NEGR1: variants seen among roughly 807,000 people sequenced by gnomAD.
NEGR1 encodes the protein IgLON family member 4.
Under a neutral mutation model 40.9 loss-of-function variants are expected in NEGR1, and 10 were observed. The observed-to-expected ratio is 0.24, with a 90% CI of 0.15 to 0.42. The LOEUF (loss-of-function observed/expected upper bound fraction) is 0.42. NEGR1 is among the 10% of genes least tolerant of loss of function. The pLI is 1.00. For missense variants in NEGR1, 352 were observed against 438.9 expected, an observed-to-expected ratio of 0.80 and a Z score of 1.77; for synonymous variants, 185 against 166.8, an observed-to-expected ratio of 1.11 and a Z score of -0.84.
intron 1 of NEGR1, among the ~76,000 whole-genome samples, chr1:72,135,699 A>G (rs1650437534): frequency 6.6e-6 from 1 of 152,206 alleles, no homozygotes; most frequent in South Asian, 2.1e-4. Context: ...AAAGGACCCC[A>G]ATATTTGCAA....
chr1:71,992,442 A>C (rs1016455975), intron 1 of NEGR1, among the ~76,000 whole-genome samples: 2 of 152,160 alleles, frequency 1.3e-5, no homozygotes, highest in Non-Finnish European at 2.9e-5. Context: ...ATAGAATGTA[A>C]GCCACACATG....
chr1:72,012,959 C>T (rs1312501729), intron 1 of NEGR1, among the ~76,000 whole-genome samples: 6 of 147,516 alleles, frequency 4.1e-5, no homozygotes, highest in Non-Finnish European at 9.0e-5. Context: ...TGCTGAAAAA[C>T]CAACTGGAAA....
At chr1:72,039,147 C>G (rs1056850612) in intron 1 of NEGR1, among the ~76,000 whole-genome samples, 1 of 151,830 alleles carries the variant, frequency 6.6e-6, no homozygotes, top group Non-Finnish European at 1.5e-5. Context: ...TTCAGAGAAA[C>G]AGCAGATTAT....
intron 4 of NEGR1, among the ~76,000 whole-genome samples, chr1:71,663,102 G>A (rs1280642808): frequency 2.0e-5 from 3 of 151,794 alleles, no homozygotes; most frequent in East Asian, 1.9e-4. Context: ...GACTACAGGC[G>A]CCTGCCACCA....
chr1:71,641,244 A>C (rs1651339085), intron 4 of NEGR1, among the ~76,000 whole-genome samples: 1 of 152,080 alleles, frequency 6.6e-6, no homozygotes, highest in South Asian at 2.1e-4. Flanking sequence ...TATTTGATTG[A>C]AAACCACTGT....
At chr1:71,985,376 T>G (rs1646385769) in intron 1 of NEGR1, among the ~76,000 whole-genome samples, 1 of 152,214 alleles carries the variant, frequency 6.6e-6, no homozygotes, top group Non-Finnish European at 1.5e-5. Flanking sequence ...TAATAAAATA[T>G]GTTCAAATCA....
chr1:72,006,569 T>C (rs1180604769), intron 1 of NEGR1, among the ~76,000 whole-genome samples: 1 of 152,166 alleles, frequency 6.6e-6, no homozygotes, highest in East Asian at 1.9e-4. Context: ...AGATCCATTA[T>C]GCATTTTGAC....
At chr1:71,719,770 TC>T (rs956570904) in intron 3 of NEGR1, among the ~76,000 whole-genome samples, 5 of 151,972 alleles carry the variant, frequency 3.3e-5, no homozygotes, top group Non-Finnish European at 7.4e-5. Flanking sequence ...ATGCTATCCC[TC>T]CCCCAGGCCC....
chr1:71,483,060 C>A (rs1418252999), intron 6 of NEGR1, among the ~76,000 whole-genome samples: 1 of 151,624 alleles, frequency 6.6e-6, no homozygotes, highest in African/African-American at 2.4e-5. Context: ...TTGGGGACAT[C>A]TTTGCAAAGA....
intron 2 of NEGR1, among the ~76,000 whole-genome samples, chr1:71,915,264 G>T (rs2101877006): frequency 6.6e-6 from 1 of 152,196 alleles, no homozygotes; most frequent in African/African-American, 2.4e-5. Context: ...GTTGAAAAAT[G>T]GCTTGGCATA....
At chr1:71,466,331 T>G (rs1646745649) in intron 6 of NEGR1, among the ~76,000 whole-genome samples, 1 of 152,082 alleles carries the variant, frequency 6.6e-6, no homozygotes, top group African/African-American at 2.4e-5. Flanking sequence ...ATTCATTCGG[T>G]AAATATTTAC....
chr1:71,929,353 A>G (rs1440296118), intron 2 of NEGR1, among the ~76,000 whole-genome samples: 1 of 152,064 alleles, frequency 6.6e-6, no homozygotes, highest in Non-Finnish European at 1.5e-5. Flanking sequence ...AGCCATTTTT[A>G]TTTCATATGG....
intron 1 of NEGR1, among the ~76,000 whole-genome samples, chr1:72,255,614 A>G (rs1184984032): frequency 7.1e-6 from 1 of 140,408 alleles, no homozygotes; most frequent in Non-Finnish European, 1.5e-5. Flanking sequence ...CAGTGGCATG[A>G]TCTCAGCTCA....
At position 71,988,148 on chromosome 1, in the gene NEGR1, C is replaced by G. The variant is rs561399611; in HGVS notation, c.177-52837G>C. Among the ~76,000 whole-genome samples the G allele has an allele frequency of 1.4e-4, 22 of 152,252 alleles. 1 individual carries two copies. In the East Asian group the frequency reaches 4.1e-3, roughly 28 times the overall value. On this transcript the variant is annotated intron_variant, in intron 1 of 6. Coordinates refer to ENST00000357731, the MANE Select transcript of NEGR1 (RefSeq NM_173808.3). ...GACACTGCCTGCCAGTGAGGCCATGCATCAGTTGTCTTTTTGGTCACTAAA... is the reference window on the plus strand; with the variant it reads ...GACACTGCCTGCCAGTGAGGCCATGGATCAGTTGTCTTTTTGGTCACTAAA...
intron 1 of NEGR1, among the ~76,000 whole-genome samples, chr1:72,110,979 T>G (rs979274291): frequency 6.6e-6 from 1 of 151,646 alleles, no homozygotes; most frequent in Non-Finnish European, 1.5e-5. Flanking sequence ...TATTATATCC[T>G]ACTTCATGCA....
chr1:71,566,767 T>C (rs1342177472), intron 6 of NEGR1, among the ~76,000 whole-genome samples: 1 of 152,186 alleles, frequency 6.6e-6, no homozygotes, highest in Non-Finnish European at 1.5e-5. Flanking sequence ...GAGGACACCA[T>C]AGACTGGGTG....
chr1:71,423,288 A>C (rs1646409424), intron 6 of NEGR1, among the ~76,000 whole-genome samples: 1 of 152,168 alleles, frequency 6.6e-6, no homozygotes, highest in African/African-American at 2.4e-5. Context: ...GTAGCTACTT[A>C]AGAGGCTGTG....
At chr1:71,465,898 G>A (rs771380265) in intron 6 of NEGR1, among the ~76,000 whole-genome samples, 1 of 151,922 alleles carries the variant, frequency 6.6e-6, no homozygotes, top group East Asian at 1.9e-4. Context: ...TAAGTCCTTG[G>A]ATTAGAGTAT....
rs184070272 is a variant in NEGR1, at chr1:71,848,899, G to C, written c.410-72602C>G. On this transcript the variant is annotated intron_variant, in intron 2 of 6. Coordinates refer to ENST00000357731, the MANE Select transcript of NEGR1 (RefSeq NM_173808.3). ...TTAGTTAGGAGTTTGAGACCAGCCT[G>C]ACCAACATGGTGAACCCCCATCTCT... Among the ~76,000 whole-genome samples the C allele has an allele frequency of 1.3e-3, 205 of 152,196 alleles. 4 individuals are homozygous for C. The highest frequency in any genetic ancestry group is 0.013 in the Admixed American group (194 of 15,278).
Sources: allele counts gnomAD v4.1 joint callset (sites outside exome capture counted in the v4.1 genomes callset), GRCh38; gene constraint gnomAD v4.1.1; transcripts MANE v1.5; gene names NCBI Gene and HGNC (gene_info 2026-07-23, HGNC 2026-07-21).